Variants in DNAJB1 observed in about 807,000 individuals in gnomAD.
DNAJB1 encodes DnaJ heat shock protein family (Hsp40) member B1.
In DNAJB1, 14 loss-of-function variants were observed where a neutral mutation model predicts 24.0. The ratio of observed to expected loss-of-function variants is 0.58; its 90% CI spans 0.39 to 0.91. The LOEUF (loss-of-function observed/expected upper bound fraction) is 0.91. Ranked by LOEUF, DNAJB1 falls within the 40% of genes least tolerant of loss-of-function variation. The pLI is 0.00. For missense variants in DNAJB1, 517 were observed against 458.1 expected, an observed-to-expected ratio of 1.13 and a Z score of -1.17; for synonymous variants, 262 against 174.4, an observed-to-expected ratio of 1.50 and a Z score of -3.96.
In DNAJB1 at chr19:14,518,206, G is replaced by A. The variant is rs748754745; in HGVS notation, c.144C>T (p.Ile48=). 1.6e-5 allele frequency: 26 copies of A among 1,609,534 alleles called. No homozygotes were observed. The highest frequency in any genetic ancestry group is 2.0e-5 in the Non-Finnish European group (24 of 1,178,370). ...CGCTGAGCACGTCGTAGGCCTCAGC[G>A]ATCTCCTTGAACTTCTCCTCGGCGC... ...EPGAEEKFKE[I]AEAYDVLSDP... is the part of the protein sequence containing the mutation. The change falls in exon 1 of 3, where the codon ATC becomes ATT. Residue 48 remains isoleucine (I), a synonymous_variant. Coordinates refer to ENST00000254322, the MANE Select transcript of DNAJB1 (RefSeq NM_006145.3).
At chr19:14,553,183 A>G (rs1263480152), upstream of DNAJB1, among the ~76,000 whole-genome samples, 1 of 152,076 alleles carries the variant, frequency 6.6e-6, no homozygotes, top group South Asian at 2.1e-4. Flanking sequence ...CTGGATTGCT[A>G]CCTGCTCGCT....
At chr19:14,534,249 C>T (rs1383021068), upstream of DNAJB1, among the ~76,000 whole-genome samples, 4 of 151,594 alleles carry the variant, frequency 2.6e-5, no homozygotes, top group Admixed American at 1.3e-4. Flanking sequence ...CTCAGCCTCC[C>T]GAGTAGCTGG....
intron 1 of DNAJB1, among the ~76,000 whole-genome samples, chr19:14,539,473 C>G (rs1016373473): frequency 6.6e-6 from 1 of 152,122 alleles, no homozygotes; most frequent in Non-Finnish European, 1.5e-5. Flanking sequence ...CCTAGGAGCA[C>G]ACTGCTTCTG....
At chr19:14,551,083 T>C (rs1030247771), upstream of DNAJB1, among the ~76,000 whole-genome samples, 3 of 151,956 alleles carry the variant, frequency 2.0e-5, no homozygotes, top group Non-Finnish European at 4.4e-5. Context: ...TTTTTTTTTC[T>C]TTTTTTGATA....
chr19:14,534,674 C>T (rs867068782), upstream of DNAJB1, among the ~76,000 whole-genome samples: 4 of 152,078 alleles, frequency 2.6e-5, no homozygotes, highest in Non-Finnish European at 4.4e-5. Context: ...TGGGCTCAAG[C>T]GATCCTCCTG....
intron 1 of DNAJB1, among the ~76,000 whole-genome samples, chr19:14,548,532 C>T (rs1020657972): frequency 4.6e-5 from 7 of 152,320 alleles, no homozygotes; most frequent in African/African-American, 1.4e-4. Context: ...TAGCAAAGAT[C>T]TTAGGCTTTG....
chr19:14,549,774 C>G (rs1392483920), intron 1 of DNAJB1, among the ~76,000 whole-genome samples: 2 of 151,930 alleles, frequency 1.3e-5, no homozygotes, highest in African/African-American at 2.4e-5. Flanking sequence ...GAAACCCCAT[C>G]TCTACTAAAA....
upstream of DNAJB1, chr19:14,518,412 C>T: frequency 1.4e-6 from 2 of 1,462,514 alleles, no homozygotes; most frequent in East Asian, 2.4e-5. Context: ...CCGACCAGTC[C>T]CGGACTCTAT....
upstream of DNAJB1, among the ~76,000 whole-genome samples, chr19:14,520,672 G>C (rs1286106459): frequency 6.6e-6 from 1 of 152,102 alleles, no homozygotes; most frequent in Non-Finnish European, 1.5e-5. Context: ...AGCAATTATG[G>C]GGAGAGAGAA....
upstream of DNAJB1, among the ~76,000 whole-genome samples, chr19:14,553,591 G>A (rs2073613635): frequency 6.6e-6 from 1 of 152,152 alleles, no homozygotes; most frequent in Admixed American, 6.5e-5. Context: ...CAGCCATCCT[G>A]GCATTAGCAG....
intron 1 of DNAJB1, among the ~76,000 whole-genome samples, chr19:14,550,002 C>A (rs2073441250): frequency 6.6e-6 from 1 of 151,750 alleles, no homozygotes; most frequent in Non-Finnish European, 1.5e-5. Flanking sequence ...CACTCCCTGT[C>A]CCCTTTCCTT....
intron 1 of DNAJB1, among the ~76,000 whole-genome samples, chr19:14,546,848 C>G (rs1365474957): frequency 1.3e-5 from 2 of 152,130 alleles, no homozygotes; most frequent in Non-Finnish European, 2.9e-5. Flanking sequence ...CACCACTACG[C>G]CCAGCTAACT....
At chr19:14,524,987 G>A (rs1009896530) in intron 2 of DNAJB1, among the ~76,000 whole-genome samples, 2 of 152,146 alleles carry the variant, frequency 1.3e-5, no homozygotes, top group African/African-American at 4.8e-5. Context: ...TGTAATCCCA[G>A]CACTTTGGGA....
chr19:14,529,555 C>A (rs2072528314), upstream of DNAJB1: 3 of 1,297,590 alleles, frequency 2.3e-6, no homozygotes, highest in Non-Finnish European at 3.3e-6. Flanking sequence ...GCCGACGGGG[C>A]GCGCGCGGCC....
chr19:14,551,577 T>G (rs2073507152), upstream of DNAJB1, among the ~76,000 whole-genome samples: 1 of 152,142 alleles, frequency 6.6e-6, no homozygotes, highest in South Asian at 2.1e-4. Context: ...CCCCTGCTTT[T>G]CTAGGCCCAT....
At chr19:14,529,827 C>T, upstream of DNAJB1, 12 of 1,474,112 alleles carry the variant, frequency 8.1e-6, no homozygotes, top group Non-Finnish European at 1.1e-5. Context: ...AGCCAGACGG[C>T]GCAGGCGCAG....
Position 14,515,960 on chromosome 19 carries a change from C to T in DNAJB1, c.1003G>A (p.Glu335Lys). The T allele has an allele frequency of 3.1e-6, 5 of 1,609,702 alleles. No homozygotes were observed. Among genetic ancestry groups the T allele is most frequent in the South Asian group, 2.2e-5 (2 of 90,826 alleles). ...RIPQTSRTVL[E>K]QVLPI ...GATAGCTATATTGGAAGAACCTGCT[C>T]AAGTACGGTTCTTGATGTCTGGGGA... is the stretch of plus-strand genomic sequence containing the variant. Residue 335 changes from glutamate (E) to lysine (K), a missense_variant, in exon 3 of 3, where the codon GAG becomes AAG. Glu to Lys is a moderately conservative substitution (Grantham distance 56, BLOSUM62 1). Transcript: ENST00000254322.
chr19:14,554,379 A>G (rs1458473233), upstream of DNAJB1, among the ~76,000 whole-genome samples: 1 of 152,168 alleles, frequency 6.6e-6, no homozygotes, highest in Non-Finnish European at 1.5e-5. Flanking sequence ...CCCAGAATCC[A>G]AGCTTCCCGC....
intron 1 of DNAJB1, among the ~76,000 whole-genome samples, chr19:14,549,820 G>A (rs113148282): frequency 3.6e-4 from 54 of 151,988 alleles, no homozygotes; most frequent in Middle Eastern, 3.4e-3. Context: ...GCATGCACCC[G>A]TAATCCCAGC....
Sources: allele counts gnomAD v4.1 joint callset (sites outside exome capture counted in the v4.1 genomes callset), GRCh38; gene constraint gnomAD v4.1.1; transcripts MANE v1.5; gene names NCBI Gene and HGNC (gene_info 2026-07-23, HGNC 2026-07-21).